The following ALG6 variants were observed in gnomAD, a reference collection of about 807,000 sequenced individuals.
ALG6 encodes dolichyl pyrophosphate Man9GlcNAc2 alpha-1,3-glucosyltransferase.
ALG6 carries 46 observed loss-of-function variants against 66.6 expected under a neutral mutation model. That is an observed-to-expected ratio of 0.69 (90% CI 0.55 to 0.88). ALG6 has a LOEUF of 0.88. ALG6 is among the 40% of genes least tolerant of loss of function. The pLI is 0.00. For synonymous variants in ALG6, 185 were observed against 203.7 expected, an observed-to-expected ratio of 0.91 and a Z score of 0.78; for missense variants, 505 against 586.8, an observed-to-expected ratio of 0.86 and a Z score of 1.44.
intron 2 of ALG6, among the ~76,000 whole-genome samples, chr1:63,381,556 G>A (rs896202405): frequency 1.3e-5 from 2 of 151,664 alleles, no homozygotes; most frequent in African/African-American, 4.8e-5. Flanking sequence ...GCTGAGGGGG[G>A]ATCCCTTGAG....
chr1:63,399,918 C>T (rs886170398), intron 3 of ALG6, among the ~76,000 whole-genome samples: 8 of 151,424 alleles, frequency 5.3e-5, no homozygotes, highest in South Asian at 2.1e-4. Flanking sequence ...AAAGTAAGGC[C>T]GGGCGCAGTG....
intron 14 of ALG6, among the ~76,000 whole-genome samples, chr1:63,430,618 T>G (rs1364791239): frequency 6.6e-6 from 1 of 152,184 alleles, no homozygotes; most frequent in Non-Finnish European, 1.5e-5. Context: ...TTCATTGGAG[T>G]GCTGACTTGC....
At chr1:63,395,837 A>G (rs747459042) in intron 2 of ALG6, among the ~76,000 whole-genome samples, 1 of 152,206 alleles carries the variant, frequency 6.6e-6, no homozygotes, top group Non-Finnish European at 1.5e-5. Context: ...GTATCCATGG[A>G]TTCTATATCT....
chr1:63,416,365 C>G (rs550440528), intron 11 of ALG6, among the ~76,000 whole-genome samples: 19 of 150,452 alleles, frequency 1.3e-4, no homozygotes, highest in African/African-American at 4.6e-4. Flanking sequence ...GGATTTGAGC[C>G]CAAATTTGAA....
intron 14 of ALG6, among the ~76,000 whole-genome samples, chr1:63,432,260 G>GTTTT (rs57560599): frequency 6.6e-6 from 1 of 150,858 alleles, no homozygotes; most frequent in African/African-American, 2.4e-5. Context: ...GGTCATGTGT[G>GTTTT]TTTTTTTTCT....
chr1:63,382,651 GTTTGTTTTTTTTTGTTTTTTTTTT>G (rs989877961), intron 2 of ALG6, among the ~76,000 whole-genome samples: 14 of 24,044 alleles, frequency 5.8e-4, no homozygotes, highest in African/African-American at 2.5e-3. Flanking sequence ...GTTTTTTTTT[GTTTGTTTTTTTTTGTTTTTTTTTT>G]TTTGTTTTTT....
rs1262005157 is a variant in ALG6, at chr1:63,438,020, T to C, written c.*1000T>C. ...TTTTCTTTAGCCTCTGTAATAAAGA[T>C]AATCATTTTCCCATCAACATTTTTT... is the stretch of plus-strand genomic sequence containing the variant. On this transcript the variant is annotated 3_prime_UTR_variant, in exon 15 of 15. Coordinates refer to ENST00000263440, the MANE Select transcript of ALG6 (RefSeq NM_013339.4). The C allele has an allele frequency of 6.6e-6, 1 of 152,188 alleles. No individual in the cohort carries two copies. The allele number at this position is 152,188 out of a possible 1,614,324, so 9.4% of individuals were successfully genotyped here.
intron 2 of ALG6, among the ~76,000 whole-genome samples, chr1:63,375,665 A>C (rs570854933): frequency 6.6e-6 from 1 of 152,266 alleles, no homozygotes; most frequent in African/African-American, 2.4e-5. Context: ...AAAATCTGGA[A>C]TAGTATGTAA....
Position 63,422,414 on chromosome 1 carries a change from AATATAT to A in ALG6, c.1058+2980_1058+2985del, listed in dbSNP as rs1175532325. On this transcript the variant is annotated intron_variant, in intron 12 of 14. Transcript: ENST00000263440. ...ATAAATATATATCTATATAAATATAAATATATATATAAATATAAATATATATATAAA... is the reference window on the plus strand; with the variant it reads ...ATAAATATATATCTATATAAATATAAATATAAATATAAATATATATATAAA... Among the ~76,000 whole-genome samples the A allele has an allele frequency of 8.4e-4, 16 of 18,980 alleles. 1 individual carries two copies. Among genetic ancestry groups the A allele is most frequent in the African/African-American group, 8.3e-3 (16 of 1,936 alleles). The allele number at this position is 18,980 out of a possible 152,430, so 12.5% of individuals were successfully genotyped here.
chr1:63,411,317 C>T lies in ALG6; in HGVS notation c.666C>T (p.Gly222=), dbSNP rs547990901. ...CFLLGKCFKK[G]LKGKGFVLLV... ...TACTTGGCAAGTGTTTTAAAAAAGG[C>T]CTCAAAGGAAAGGGGTGAGTGACTT... The change falls in exon 8 of 15, where the codon GGC becomes GGT. Residue 222 remains glycine (G), a synonymous_variant. Coordinates refer to ENST00000263440, the MANE Select transcript of ALG6 (RefSeq NM_013339.4). The T allele has an allele frequency of 6.2e-7, 1 of 1,613,458 alleles. No individual in the cohort carries two copies. The highest frequency in any genetic ancestry group is 8.5e-7 in the Non-Finnish European group (1 of 1,179,804).
At chr1:63,404,562 G>A in intron 5 of ALG6, 21 bp downstream of exon 5, 1 of 1,606,848 alleles carries the variant, frequency 6.2e-7, no homozygotes, top group Non-Finnish European at 8.5e-7. Flanking sequence ...AATGGGTAGT[G>A]AATATAAAAT....
intron 5 of ALG6, 101 bp downstream of exon 5, chr1:63,404,642 G>T: frequency 2.2e-6 from 2 of 921,142 alleles, no homozygotes; most frequent in South Asian, 2.8e-5. Flanking sequence ...TTAAAATTGT[G>T]CAATTACACA....
chr1:63,411,391 C>T (rs1256214508), intron 8 of ALG6, 60 bp downstream of exon 8: 2 of 1,488,396 alleles, frequency 1.3e-6, no homozygotes, highest in African/African-American at 2.8e-5. Context: ...TTTTGGCATA[C>T]TTACTTGCAG....
intron 6 of ALG6, 67 bp downstream of exon 6, chr1:63,406,466 A>G (rs567457224): frequency 1.5e-6 from 2 of 1,365,312 alleles, no homozygotes; most frequent in Admixed American, 1.7e-5. Context: ...ACTATTAAGT[A>G]TAGACCTTAG....
chr1:63,422,678 GGGCACAGT>G (rs1235797584), intron 12 of ALG6, among the ~76,000 whole-genome samples: 1 of 151,402 alleles, frequency 6.6e-6, no homozygotes, highest in Non-Finnish European at 1.5e-5. Flanking sequence ...AAAATGGGCC[GGGCACAGT>G]GGCTCATGCC....
intron 14 of ALG6, among the ~76,000 whole-genome samples, chr1:63,436,070 A>G (rs1644677232): frequency 6.6e-6 from 1 of 152,144 alleles, no homozygotes; most frequent in South Asian, 2.1e-4. Flanking sequence ...TGCTTTACTC[A>G]TTGAAAGCAT....
intron 2 of ALG6, among the ~76,000 whole-genome samples, chr1:63,394,969 G>A (rs892652884): frequency 2.5e-4 from 38 of 151,454 alleles, no homozygotes; most frequent in African/African-American, 7.3e-4. Context: ...GGGTTCAAGC[G>A]ATTCTCCTGC....
intron 12 of ALG6, among the ~76,000 whole-genome samples, chr1:63,426,796 G>T (rs1006525555): frequency 6.6e-6 from 1 of 152,062 alleles, no homozygotes; most frequent in Non-Finnish European, 1.5e-5. Flanking sequence ...CTCCCACCTT[G>T]GCCTCCAAAA....
intron 2 of ALG6, among the ~76,000 whole-genome samples, chr1:63,383,407 C>T (rs140001380): frequency 1.1e-3 from 171 of 152,088 alleles, no homozygotes; most frequent in African/African-American, 3.9e-3. Flanking sequence ...CATGAGGTAC[C>T]GTGCCTGGCC....
Sources: allele counts gnomAD v4.1 joint callset (sites outside exome capture counted in the v4.1 genomes callset), GRCh38; gene constraint gnomAD v4.1.1; transcripts MANE v1.5; gene names NCBI Gene and HGNC (gene_info 2026-07-23, HGNC 2026-07-21).